MTUS2: variants seen among roughly 807,000 people sequenced by gnomAD.
MTUS2 encodes the protein microtubule associated scaffold protein 2, also known as microtubule-associated tumor suppressor candidate 2.
Under a neutral mutation model 114.1 loss-of-function variants are expected in MTUS2, and 40 were observed. That is an observed-to-expected ratio of 0.35 (90% CI 0.27 to 0.46). MTUS2 has a LOEUF of 0.46. MTUS2 is among the 20% of genes least tolerant of loss of function. The pLI, the probability that MTUS2 is intolerant of heterozygous loss-of-function variation, is 1.00. For missense variants in MTUS2, 1,679 were observed against 1,705.4 expected, an observed-to-expected ratio of 0.98 and a Z score of 0.27; for synonymous variants, 688 against 672.0, an observed-to-expected ratio of 1.02 and a Z score of -0.37.
At chr13:29,053,143 T>TA (rs575605509) in intron 4 of MTUS2, among the ~76,000 whole-genome samples, 158 of 152,320 alleles carry the variant, frequency 1.0e-3, no homozygotes, top group African/African-American at 3.6e-3. Flanking sequence ...ATAATGATAC[T>TA]AATGTATCAT....
At chr13:29,389,333 A>ATGTG in intron 8 of MTUS2, among the ~76,000 whole-genome samples, 1 of 55,798 alleles carries the variant, frequency 1.8e-5, no homozygotes, top group South Asian at 7.5e-4. Context: ...ATGTGTGTAT[A>ATGTG]TATGTATGCA....
intron 9 of MTUS2, among the ~76,000 whole-genome samples, chr13:29,464,686 C>T (rs1211216630): frequency 6.6e-6 from 1 of 152,154 alleles, no homozygotes; most frequent in East Asian, 1.9e-4. Flanking sequence ...CCAGCTAATT[C>T]ACAACCTGAA....
intron 5 of MTUS2, among the ~76,000 whole-genome samples, chr13:29,108,869 C>A (rs1890773927): frequency 6.6e-6 from 1 of 152,092 alleles, no homozygotes; most frequent in African/African-American, 2.4e-5. Context: ...AGGTAATTGA[C>A]AACCTTCTGA....
At chr13:29,330,795 T>C (rs2138055525) in intron 7 of MTUS2, among the ~76,000 whole-genome samples, 1 of 152,338 alleles carries the variant, frequency 6.6e-6, no homozygotes, top group East Asian at 1.9e-4. Flanking sequence ...TTGGTCTATA[T>C]ATCTGTTTTG....
At chr13:29,348,358 G>T (rs140213654) in intron 7 of MTUS2, among the ~76,000 whole-genome samples, 110,412 of 151,422 alleles carry the variant, frequency 0.73, 44,334 homozygotes, top group East Asian at 0.9. Context: ...ACTCAGCAAA[G>T]TGCAAGGCTT....
chr13:29,190,142 A>C (rs538859212), intron 5 of MTUS2, among the ~76,000 whole-genome samples: 1 of 152,350 alleles, frequency 6.6e-6, no homozygotes, highest in South Asian at 2.1e-4. Flanking sequence ...TCTATTGTTT[A>C]AACAACTCAG....
At chr13:29,334,741 T>C (rs1161715797) in intron 7 of MTUS2, among the ~76,000 whole-genome samples, 9 of 152,322 alleles carry the variant, frequency 5.9e-5, no homozygotes, top group East Asian at 5.8e-4. Context: ...AATTTGAATG[T>C]TGGCCTGTGT....
rs148155600 is a variant in MTUS2 at position 29,262,714 on chromosome 13, A to G, written c.2645-18990A>G. On this transcript the variant is annotated intron_variant, in intron 5 of 15. Transcript: ENST00000612955. ...AAGCTGGGGAGGACTGTCAGTGTCA[A>G]TACCTGCCACTTGCACAAATCATTT... 1.5e-3 allele frequency among the ~76,000 whole-genome samples: 228 copies of G among 152,304 alleles called. 1 individual carries two copies. Among genetic ancestry groups the G allele is most frequent in the African/African-American group, 5.3e-3 (222 of 41,580 alleles).
At chr13:29,103,442 C>T (rs1241071551) in intron 5 of MTUS2, among the ~76,000 whole-genome samples, 1 of 152,112 alleles carries the variant, frequency 6.6e-6, no homozygotes, top group Admixed American at 6.5e-5. Flanking sequence ...AATATCTAAA[C>T]ATAGAAGAAG....
chr13:29,411,443 A>G (rs369819104), intron 8 of MTUS2, among the ~76,000 whole-genome samples: 94 of 152,324 alleles, frequency 6.2e-4, no homozygotes, highest in Non-Finnish European at 6.9e-4. Flanking sequence ...TATACACATA[A>G]GCCAGTACCA....
intron 5 of MTUS2, among the ~76,000 whole-genome samples, chr13:29,180,407 T>G (rs1375009856): frequency 6.6e-6 from 1 of 152,168 alleles, no homozygotes; most frequent in African/African-American, 2.4e-5. Flanking sequence ...AAAAGTAGAA[T>G]GTAGGGCAAA....
At chr13:28,908,304 A>G (rs1880180709) in intron 2 of MTUS2, among the ~76,000 whole-genome samples, 2 of 151,226 alleles carry the variant, frequency 1.3e-5, no homozygotes, top group South Asian at 2.1e-4. Flanking sequence ...CCCCAACCCC[A>G]CAACAGGCCC....
chr13:29,031,237 GGTGTGT>G (rs59288953), intron 3 of MTUS2, among the ~76,000 whole-genome samples: 14 of 122,964 alleles, frequency 1.1e-4, no homozygotes, highest in East Asian at 4.6e-4. Flanking sequence ...AGAACTAATA[GGTGTGT>G]GTGTGTGTGT....
intron 4 of MTUS2, among the ~76,000 whole-genome samples, chr13:29,046,370 C>A (rs1466749209): frequency 1.3e-5 from 2 of 152,202 alleles, no homozygotes; most frequent in African/African-American, 2.4e-5. Context: ...CCTGCCTTGG[C>A]CTCTCAAAGC....
intron 10 of MTUS2, among the ~76,000 whole-genome samples, chr13:29,485,487 A>G (rs547959035): frequency 1.3e-3 from 197 of 152,234 alleles, no homozygotes; most frequent in African/African-American, 4.7e-3. Context: ...AGATTTTTTG[A>G]CTCATGGGCT....
Position 28,927,890 on chromosome 13 carries a change from T to G in MTUS2, c.-243+88040T>G, listed in dbSNP as rs1160049030. 2.0e-5 allele frequency among the ~76,000 whole-genome samples: 3 copies of G among 152,098 alleles called. No homozygotes were observed. In the East Asian group the frequency reaches 5.8e-4, roughly 29 times the overall value. On this transcript the variant is annotated intron_variant, in intron 2 of 15. Transcript: ENST00000612955. ...ATACTACAAAGCTACAGTAACCAAA[T>G]CAGCATGGTACTGGCATAAAAACAG...
intron 4 of MTUS2, among the ~76,000 whole-genome samples, chr13:29,070,546 T>C (rs1185651615): frequency 2.0e-5 from 3 of 152,116 alleles, no homozygotes; most frequent in Non-Finnish European, 2.9e-5. Flanking sequence ...CCTTGAAAGC[T>C]TTAGAATCTT....
intron 5 of MTUS2, among the ~76,000 whole-genome samples, chr13:29,175,082 C>T (rs527361378): frequency 3.7e-4 from 56 of 152,174 alleles, no homozygotes; most frequent in African/African-American, 1.3e-3. Context: ...ATCTTATTCT[C>T]GAGGCTCTTA....
At chr13:29,154,805 G>T (rs1295204434) in intron 5 of MTUS2, among the ~76,000 whole-genome samples, 1 of 152,154 alleles carries the variant, frequency 6.6e-6, no homozygotes, top group Admixed American at 6.5e-5. Context: ...AGTTGTCCTG[G>T]TGGATTTGCT....
Sources: allele counts gnomAD v4.1 joint callset (sites outside exome capture counted in the v4.1 genomes callset), GRCh38; gene constraint gnomAD v4.1.1; transcripts MANE v1.5; gene names NCBI Gene and HGNC (gene_info 2026-07-23, HGNC 2026-07-21).